TBC1D8: variants seen among roughly 807,000 people sequenced by gnomAD.
TBC1D8 encodes the protein TBC1 domain family member 8, also known as BUB2-like protein 1.
A neutral mutation model predicts 118.8 loss-of-function variants in TBC1D8; 65 were observed. The ratio of observed to expected loss-of-function variants is 0.55; its 90% CI spans 0.45 to 0.67. The LOEUF (loss-of-function observed/expected upper bound fraction) is 0.67. TBC1D8 is among the 30% of genes least tolerant of loss of function. TBC1D8 has a pLI of 0.00. For missense variants in TBC1D8, 1,376 were observed against 1,471.2 expected, an observed-to-expected ratio of 0.94 and a Z score of 1.06; for synonymous variants, 566 against 595.8, an observed-to-expected ratio of 0.95 and a Z score of 0.73.
chr2:101,021,428 A>G (rs1680021949), intron 17 of TBC1D8, among the ~76,000 whole-genome samples: 1 of 152,152 alleles, frequency 6.6e-6, no homozygotes, highest in African/African-American at 2.4e-5. Context: ...GGTGTTGGAA[A>G]CCAGGGTGGG....
chr2:101,039,144 G>C (rs1291652104), intron 6 of TBC1D8, among the ~76,000 whole-genome samples: 1 of 152,188 alleles, frequency 6.6e-6, no homozygotes, highest in Non-Finnish European at 1.5e-5. Flanking sequence ...GATGGATGGT[G>C]CTGGGTTGCA....
At chr2:101,141,189 T>A (rs1291730560) in intron 1 of TBC1D8, among the ~76,000 whole-genome samples, 5 of 152,096 alleles carry the variant, frequency 3.3e-5, no homozygotes, top group Non-Finnish European at 7.4e-5. Flanking sequence ...TTCAGTTAGA[T>A]CGTGAGTCAA....
chr2:101,055,934 T>G (rs1400580484), intron 3 of TBC1D8, among the ~76,000 whole-genome samples: 1 of 152,004 alleles, frequency 6.6e-6, no homozygotes, highest in Non-Finnish European at 1.5e-5. Flanking sequence ...TGATGGCAAC[T>G]GTGAACAGCC....
At chr2:101,040,495 A>G in intron 5 of TBC1D8, 110 bp from the exon 6 acceptor site, 1 of 1,152,700 alleles carries the variant, frequency 8.7e-7, no homozygotes, top group Non-Finnish European at 1.2e-6. Flanking sequence ...TTTGAGACAG[A>G]GTCTCGCTCT....
intron 10 of TBC1D8, 21 bp from the exon 11 acceptor site, chr2:101,032,406 G>A (rs765405777): frequency 1.3e-6 from 2 of 1,599,874 alleles, no homozygotes; most frequent in Non-Finnish European, 1.7e-6. Context: ...GTCAAGGAGG[G>A]CAGTTACTGA....
At chr2:101,071,166 C>T (rs1440053942) in intron 2 of TBC1D8, among the ~76,000 whole-genome samples, 3 of 151,896 alleles carry the variant, frequency 2.0e-5, no homozygotes, top group Non-Finnish European at 2.9e-5. Context: ...GGTGAAACTC[C>T]GTCTCTACTA....
intron 17 of TBC1D8, chr2:101,018,105 C>G (rs147723276): frequency 5.8e-5 from 34 of 590,630 alleles, no homozygotes; most frequent in Non-Finnish European, 9.5e-5. Flanking sequence ...CCAATCAACA[C>G]TTTTTCATAT....
chr2:101,063,287 T>A (rs1217149633), intron 2 of TBC1D8, among the ~76,000 whole-genome samples: 1 of 152,216 alleles, frequency 6.6e-6, no homozygotes, highest in African/African-American at 2.4e-5. Context: ...TTTTATTCTT[T>A]AAAAAATTCA....
intron 1 of TBC1D8, among the ~76,000 whole-genome samples, chr2:101,112,007 C>T (rs894545052): frequency 3.3e-5 from 5 of 152,022 alleles, no homozygotes; most frequent in African/African-American, 1.2e-4. Context: ...TTTTCCTAAC[C>T]TCATCCCCAA....
chr2:101,011,259 G>T, intron 18 of TBC1D8, 192 bp downstream of exon 18: 1 of 696,272 alleles, frequency 1.4e-6, no homozygotes, highest in Non-Finnish European at 2.4e-6. Context: ...GGTGGTGGGG[G>T]CAAGGGGCAG....
chr2:101,075,495 C>G (rs553926367), intron 2 of TBC1D8, among the ~76,000 whole-genome samples: 1 of 152,066 alleles, frequency 6.6e-6, no homozygotes, highest in Non-Finnish European at 1.5e-5. Context: ...ACAATTCCCA[C>G]GTGTCAAGGG....
At chr2:101,010,043 G>A (rs892536777) in intron 19 of TBC1D8, among the ~76,000 whole-genome samples, 10 of 151,810 alleles carry the variant, frequency 6.6e-5, no homozygotes, top group African/African-American at 2.2e-4. Context: ...AGCCAGGATG[G>A]TCTCAATCTT....
chr2:101,114,320 T>A (rs1305868840), intron 1 of TBC1D8, among the ~76,000 whole-genome samples: 1 of 151,848 alleles, frequency 6.6e-6, no homozygotes, highest in Non-Finnish European at 1.5e-5. Context: ...AGTGCACATA[T>A]AAGGGGGTGC....
intron 1 of TBC1D8, among the ~76,000 whole-genome samples, chr2:101,091,819 C>T (rs1676054611): frequency 6.6e-6 from 1 of 152,130 alleles, no homozygotes; most frequent in African/African-American, 2.4e-5. Context: ...CACATATTAC[C>T]CTTAACTAAT....
intron 17 of TBC1D8, among the ~76,000 whole-genome samples, chr2:101,012,414 ACAT>A (rs539464700): frequency 1.1e-3 from 165 of 152,358 alleles, no homozygotes; most frequent in African/African-American, 3.9e-3. Flanking sequence ...TGTCTTGAAA[ACAT>A]CATGCTAGGT....
chr2:101,114,871 G>A (rs1677749237), intron 1 of TBC1D8, among the ~76,000 whole-genome samples: 1 of 150,556 alleles, frequency 6.6e-6, no homozygotes, highest in African/African-American at 2.5e-5. Context: ...AGGTAAGGAA[G>A]GCAAACACCC....
At chr2:101,136,551 C>T (rs893575544) in intron 1 of TBC1D8, among the ~76,000 whole-genome samples, 1 of 152,224 alleles carries the variant, frequency 6.6e-6, no homozygotes, top group East Asian at 1.9e-4. Context: ...CTACATAATA[C>T]TGGGATTAAA....
At chr2:101,117,737 C>G (rs147636075) in intron 1 of TBC1D8, among the ~76,000 whole-genome samples, 1,858 of 151,930 alleles carry the variant, frequency 0.012, 16 homozygotes, top group Non-Finnish European at 0.018. Context: ...CCATGCCTGG[C>G]TAATTTTTTT....
intron 3 of TBC1D8, among the ~76,000 whole-genome samples, chr2:101,055,805 C>A (rs750265426): frequency 4.6e-5 from 7 of 151,994 alleles, no homozygotes; most frequent in Non-Finnish European, 8.8e-5. Context: ...CTCCTGGGCC[C>A]CAAGCCTCAC....
Sources: gnomAD v4.1 joint callset for allele counts (sites outside exome capture counted in the v4.1 genomes callset) on GRCh38, gnomAD v4.1.1 for gene constraint, MANE v1.5 for transcripts, NCBI Gene and HGNC (gene_info 2026-07-23, HGNC 2026-07-21) for gene names.